The following CPA6 variants were observed in gnomAD, a reference collection of about 807,000 sequenced individuals.
CPA6 encodes the protein carboxypeptidase A6, also known as carboxypeptidase B.
CPA6 carries 58 observed loss-of-function variants against 63.3 expected under a neutral mutation model. The ratio of observed to expected loss-of-function variants is 0.92; its 90% CI spans 0.74 to 1.14. CPA6 has a LOEUF of 1.14. Among genes scored for constraint, CPA6 ranks in the 50% most tolerant of loss-of-function variants. CPA6 has a pLI of 0.00. For missense variants in CPA6, 565 were observed against 526.6 expected (o/e 1.07, Z -0.71); for synonymous variants, 185 against 179.0 (o/e 1.03, Z -0.27).
intron 1 of CPA6, among the ~76,000 whole-genome samples, chr8:67,698,252 T>A (rs1816949027): frequency 6.6e-6 from 1 of 152,186 alleles, no homozygotes; most frequent in African/African-American, 2.4e-5. Context: ...AATAACCTGA[T>A]ATAAAAATGC....
At chr8:67,736,633 C>T (rs1445422353) in intron 1 of CPA6, among the ~76,000 whole-genome samples, 1 of 152,132 alleles carries the variant, frequency 6.6e-6, no homozygotes, top group East Asian at 1.9e-4. Flanking sequence ...GAGTCTTTGG[C>T]CCTCTTTTCA....
In CPA6 at chr8:67,742,713, CAGTTTAAGA is replaced by C. The variant is rs1817935043; in HGVS notation, c.116+3292_116+3300del. 3.3e-5 allele frequency among the ~76,000 whole-genome samples: 5 copies of C among 152,158 alleles called. No individual in the cohort carries two copies. In the South Asian group the frequency reaches 1.0e-3, roughly 32 times the overall value. ...TCCATTGTCCAAGATAAGGAAACCT[CAGTTTAAGA>C]AGTTAAATAACTTGTCTAAGATAAC... On this transcript the variant is annotated intron_variant, in intron 1 of 10. Transcript: ENST00000297770.
At chr8:67,476,038 A>G (rs774917276) in intron 8 of CPA6, among the ~76,000 whole-genome samples, 3 of 145,114 alleles carry the variant, frequency 2.1e-5, no homozygotes, top group Non-Finnish European at 4.5e-5. Flanking sequence ...TCTTTGATAC[A>G]GAGTCTTGCT....
chr8:67,484,757 C>T lies in CPA6; in HGVS notation c.669G>A (p.Met223Ile), dbSNP rs752896429. 14 of 1,609,122 alleles carry T rather than the reference C, an allele frequency of 8.7e-6. No individual in the cohort carries two copies. In the East Asian group the frequency reaches 3.1e-4, roughly 36 times the overall value. ...AATATAGATGATTCAACATTTTTCT[C>T]ATGGCTGGGTCACTCTTATATGTTA... ...ALLTYKSDPAMRKMLNHLYFY... is the reference protein window; with the variant it reads ...ALLTYKSDPAIRKMLNHLYFY... Residue 223 changes from methionine to isoleucine, a missense_variant, in exon 7 of 11, where the codon ATG becomes ATA. Physicochemically the swap from Met to Ile is conservative, Grantham distance 10. Transcript: ENST00000297770.
chr8:67,506,352 T>C (rs1811926006), intron 6 of CPA6, among the ~76,000 whole-genome samples: 1 of 152,168 alleles, frequency 6.6e-6, no homozygotes, highest in South Asian at 2.1e-4. Flanking sequence ...GCACAAGCAA[T>C]CCCTTGTTCA....
chr8:67,653,589 T>C (rs898950540), intron 1 of CPA6, among the ~76,000 whole-genome samples: 3 of 152,240 alleles, frequency 2.0e-5, no homozygotes, highest in African/African-American at 7.2e-5. Flanking sequence ...TGTACATTGA[T>C]TTTGTATCCT....
chr8:67,704,980 G>T (rs1360696164), intron 1 of CPA6, among the ~76,000 whole-genome samples: 1 of 152,104 alleles, frequency 6.6e-6, no homozygotes, highest in Non-Finnish European at 1.5e-5. Flanking sequence ...TTATAGGTGA[G>T]AGTAGAATAA....
intron 1 of CPA6, among the ~76,000 whole-genome samples, chr8:67,647,107 A>G (rs778270586): frequency 6.6e-6 from 1 of 152,180 alleles, no homozygotes; most frequent in Admixed American, 6.5e-5. Context: ...TGGCTTATCT[A>G]AAGAAGTAAA....
chr8:67,637,981 T>C (rs74705291), intron 1 of CPA6, among the ~76,000 whole-genome samples: 2 of 146,572 alleles, frequency 1.4e-5, no homozygotes, highest in Admixed American at 1.4e-4. Context: ...GCTAGAAATT[T>C]TGTGTGTGTG....
intron 1 of CPA6, among the ~76,000 whole-genome samples, chr8:67,660,660 G>A (rs1816089360): frequency 6.6e-6 from 1 of 151,814 alleles, no homozygotes; most frequent in African/African-American, 2.4e-5. Flanking sequence ...CAGTTTTAAC[G>A]AATTGTAAGG....
chr8:67,633,060 A>G (rs1218503465), intron 1 of CPA6, among the ~76,000 whole-genome samples: 1 of 152,200 alleles, frequency 6.6e-6, no homozygotes, highest in South Asian at 2.1e-4. Context: ...TTGAATATAA[A>G]AACTTTTGAT....
chr8:67,434,383 T>G, intron 8 of CPA6, 143 bp from the exon 9 acceptor site: 1 of 742,554 alleles, frequency 1.3e-6, no homozygotes, highest in South Asian at 1.9e-5. Flanking sequence ...TTCTCATTTA[T>G]GGAAATCAGT....
At chr8:67,706,079 T>C (rs1817128046) in intron 1 of CPA6, among the ~76,000 whole-genome samples, 1 of 152,176 alleles carries the variant, frequency 6.6e-6, no homozygotes, top group Non-Finnish European at 1.5e-5. Flanking sequence ...TCCAAACATG[T>C]TGTAATGGTC....
chr8:67,634,742 G>C (rs545187276), intron 1 of CPA6, among the ~76,000 whole-genome samples: 2 of 151,692 alleles, frequency 1.3e-5, no homozygotes, highest in South Asian at 4.1e-4. Context: ...TTATGTTCCA[G>C]GCACAGTGGT....
intron 1 of CPA6, among the ~76,000 whole-genome samples, chr8:67,628,618 T>C (rs1188029568): frequency 6.6e-6 from 1 of 152,286 alleles, no homozygotes; most frequent in Non-Finnish European, 1.5e-5. Flanking sequence ...ACGCAGTGTT[T>C]GTTTTACAGC....
chr8:67,518,087 A>AGG, intron 2 of CPA6, 40 bp from the exon 3 acceptor site: 1 of 1,492,602 alleles, frequency 6.7e-7, no homozygotes. Context: ...TATCCAACGT[A>AGG]GGGGGGGAAA....
intron 2 of CPA6, among the ~76,000 whole-genome samples, chr8:67,536,705 T>C (rs1018130378): frequency 2.0e-5 from 3 of 152,216 alleles, no homozygotes; most frequent in South Asian, 2.1e-4. Context: ...TCTTGCCTGG[T>C]TGCCCTGGCT....
At chr8:67,517,061 T>C (rs563323196) in intron 3 of CPA6, among the ~76,000 whole-genome samples, 2 of 152,166 alleles carry the variant, frequency 1.3e-5, no homozygotes, top group African/African-American at 4.8e-5. Context: ...CCTCCCAAAG[T>C]CTGGGATTCC....
intron 10 of CPA6, among the ~76,000 whole-genome samples, chr8:67,426,170 T>C (rs1271332955): frequency 6.6e-6 from 1 of 152,230 alleles, no homozygotes; most frequent in East Asian, 1.9e-4. Context: ...GGTTTTGCCA[T>C]GTTGGCCCGG....
Sources: gnomAD v4.1 joint callset for allele counts (sites outside exome capture counted in the v4.1 genomes callset) on GRCh38, gnomAD v4.1.1 for gene constraint, MANE v1.5 for transcripts, NCBI Gene and HGNC (gene_info 2026-07-23, HGNC 2026-07-21) for gene names.